HEMK2: variants seen among roughly 807,000 people sequenced by gnomAD.
HEMK2 encodes the protein methyltransferase HEMK2.
chr21:28,809,718 TA>T, the HEMK2 span, among the ~76,000 whole-genome samples: 1 of 152,004 alleles, frequency 6.6e-6, no homozygotes, highest in African/African-American at 2.4e-5. Flanking sequence ...TGTTCCAAGA[TA>T]AAAAAAATCT....
chr21:28,651,162 T>C, the HEMK2 span, among the ~76,000 whole-genome samples: 1 of 152,236 alleles, frequency 6.6e-6, no homozygotes, highest in African/African-American at 2.4e-5. Flanking sequence ...CATAGTTTTA[T>C]GCTCCAATAA....
the HEMK2 span, among the ~76,000 whole-genome samples, chr21:28,768,163 G>C: frequency 1.3e-5 from 2 of 152,072 alleles, no homozygotes; most frequent in East Asian, 3.9e-4. Flanking sequence ...GCCCAAACAG[G>C]ATGCACTTCT....
chr21:28,810,688 G>A, the HEMK2 span, among the ~76,000 whole-genome samples: 15 of 152,180 alleles, frequency 9.9e-5, no homozygotes, highest in African/African-American at 3.4e-4. Context: ...AGACAATATC[G>A]AGCACATCTT....
the HEMK2 span, among the ~76,000 whole-genome samples, chr21:28,804,754 A>G: frequency 6.6e-6 from 1 of 152,328 alleles, no homozygotes; most frequent in African/African-American, 2.4e-5. Flanking sequence ...TTGATAATCT[A>G]ACATTAGACG....
chr21:28,579,219 G>A, the HEMK2 span, among the ~76,000 whole-genome samples: 59 of 152,084 alleles, frequency 3.9e-4, no homozygotes, highest in Non-Finnish European at 1.6e-4. Context: ...CTAAACATAT[G>A]TCATTACATT....
the HEMK2 span, chr21:28,875,760 TATCC>T: frequency 1.3e-5 from 2 of 152,184 alleles, no homozygotes; most frequent in African/African-American, 2.4e-5. Flanking sequence ...GTAGAAGAAA[TATCC>T]TAACATGCCC....
the HEMK2 span, among the ~76,000 whole-genome samples, chr21:28,797,448 A>C: frequency 6.6e-6 from 1 of 151,766 alleles, no homozygotes; most frequent in Non-Finnish European, 1.5e-5. Flanking sequence ...AAAACAAAAA[A>C]AAAAAACAAA....
At chr21:28,646,356 A>G in the HEMK2 span, among the ~76,000 whole-genome samples, 2 of 152,272 alleles carry the variant, frequency 1.3e-5, no homozygotes, top group East Asian at 3.9e-4. Flanking sequence ...TTCATACATA[A>G]AAGATTAGAC....
chr21:28,748,495 C>T, the HEMK2 span, among the ~76,000 whole-genome samples: 2 of 152,162 alleles, frequency 1.3e-5, no homozygotes, highest in Non-Finnish European at 2.9e-5. Context: ...ACACAAGTTT[C>T]CATCAAGTAT....
the HEMK2 span, among the ~76,000 whole-genome samples, chr21:28,729,808 C>T: frequency 2.1e-4 from 32 of 152,268 alleles, no homozygotes; most frequent in East Asian, 7.7e-4. Flanking sequence ...AGAGTTTTCA[C>T]GTTGAGGTTT....
chr21:28,672,994 AAGAAAG>A, the HEMK2 span, among the ~76,000 whole-genome samples: 12 of 118,790 alleles, frequency 1.0e-4, no homozygotes, highest in Admixed American at 6.3e-4. Flanking sequence ...GAGAAAGAAA[AAGAAAG>A]AGAAAGAAAG....
At chr21:28,688,706 A>C in the HEMK2 span, among the ~76,000 whole-genome samples, 2 of 152,204 alleles carry the variant, frequency 1.3e-5, no homozygotes, top group Non-Finnish European at 2.9e-5. Flanking sequence ...GTAAAAATTT[A>C]TTCTAAGAAA....
the HEMK2 span, among the ~76,000 whole-genome samples, chr21:28,685,964 C>T: frequency 6.6e-6 from 1 of 152,168 alleles, no homozygotes. Context: ...AACAGTACAT[C>T]CTTGTGACAG....
chr21:28,708,083 G>A, the HEMK2 span, among the ~76,000 whole-genome samples: 1 of 152,012 alleles, frequency 6.6e-6, no homozygotes, highest in African/African-American at 2.4e-5. Context: ...CAAGCCCATG[G>A]CCAAAAGTTT....
chr21:28,695,013 A>G, the HEMK2 span, among the ~76,000 whole-genome samples: 1 of 151,994 alleles, frequency 6.6e-6, no homozygotes, highest in African/African-American at 2.4e-5. Context: ...AAAAAAAAAA[A>G]GATTCAACAT....
At chr21:28,650,193 G>A in the HEMK2 span, among the ~76,000 whole-genome samples, 23 of 152,272 alleles carry the variant, frequency 1.5e-4, no homozygotes, top group South Asian at 2.1e-4. Context: ...TCAGGAGTTC[G>A]AGACTAGCCT....
At chr21:28,862,091 G>C in the HEMK2 span, among the ~76,000 whole-genome samples, 1 of 152,268 alleles carries the variant, frequency 6.6e-6, no homozygotes, top group Admixed American at 6.5e-5. Context: ...GGACTTTCAA[G>C]ATGAAATCAG....
the HEMK2 span, among the ~76,000 whole-genome samples, chr21:28,857,369 A>T: frequency 1.1e-4 from 16 of 152,342 alleles, no homozygotes; most frequent in Admixed American, 9.8e-4. Flanking sequence ...ATGAACATAT[A>T]CAAGAAAGAT....
At chr21:28,661,149 A>C in the HEMK2 span, among the ~76,000 whole-genome samples, 2 of 152,088 alleles carry the variant, frequency 1.3e-5, no homozygotes, top group African/African-American at 4.8e-5. Flanking sequence ...TTAATCCTTC[A>C]AAATAACTAA....
Sources: gnomAD v4.1 joint callset for allele counts (sites outside exome capture counted in the v4.1 genomes callset) on GRCh38, gnomAD v4.1.1 for gene constraint, MANE v1.5 for transcripts, NCBI Gene and HGNC (gene_info 2026-07-23, HGNC 2026-07-21) for gene names.